PPM1E: variants seen among roughly 807,000 people sequenced by gnomAD.
PPM1E encodes protein phosphatase 1E.
A neutral mutation model predicts 65.9 loss-of-function variants in PPM1E; 20 were observed. The ratio of observed to expected loss-of-function variants is 0.30; its 90% CI spans 0.21 to 0.44. The LOEUF is 0.44. Ranked by LOEUF, PPM1E falls within the 20% of genes least tolerant of loss-of-function variation. The pLI, the probability that PPM1E is intolerant of heterozygous loss-of-function variation, is 1.00. For missense variants in PPM1E, 713 were observed against 953.1 expected (o/e 0.75, Z 3.32); for synonymous variants, 352 against 374.9 (o/e 0.94, Z 0.70).
chr17:58,785,640 A>G (rs2050093017), intron 1 of PPM1E: 2 of 151,468 alleles, frequency 1.3e-5, no homozygotes, highest in African/African-American at 4.9e-5. Flanking sequence ...AAAATATAAT[A>G]AAAACTATGG....
intron 1 of PPM1E, among the ~76,000 whole-genome samples, chr17:58,791,182 G>A (rs1041907936): frequency 6.6e-6 from 1 of 152,084 alleles, no homozygotes; most frequent in Non-Finnish European, 1.5e-5. Context: ...GTGAGCCACC[G>A]TGCCTGGCCT....
chr17:58,774,164 C>CA (rs1477782058), intron 1 of PPM1E, among the ~76,000 whole-genome samples: 58 of 150,834 alleles, frequency 3.8e-4, no homozygotes. Context: ...CTCTGTCCCC[C>CA]CCCCCCAAAA....
chr17:58,854,309 G>A (rs2050858841), intron 1 of PPM1E, among the ~76,000 whole-genome samples: 1 of 152,168 alleles, frequency 6.6e-6, no homozygotes, highest in African/African-American at 2.4e-5. Context: ...GTATGTGTGT[G>A]TTTGTAATCT....
intron 1 of PPM1E, among the ~76,000 whole-genome samples, chr17:58,856,715 G>GAAAAGATTAGGGCACAA (rs2050886360): frequency 6.6e-6 from 1 of 152,180 alleles, no homozygotes; most frequent in South Asian, 2.1e-4. Context: ...ACCATGTGAA[G>GAAAAGATTAGGGCACAA]ACAGAGGGAA....
At chr17:58,937,879 C>CAAAAAAAAAAAA (rs1226139023) in intron 1 of PPM1E, among the ~76,000 whole-genome samples, 3 of 82,924 alleles carry the variant, frequency 3.6e-5, no homozygotes, top group African/African-American at 5.0e-5. Context: ...GACTCCATCT[C>CAAAAAAAAAAAA]AAAAAAAAAA....
At chr17:58,978,081 AATAT>A (rs2031129824) in intron 6 of PPM1E, among the ~76,000 whole-genome samples, 1 of 152,202 alleles carries the variant, frequency 6.6e-6, no homozygotes, top group African/African-American at 2.4e-5. Context: ...AGAAATAATG[AATAT>A]ATAGTCAGAT....
Position 58,840,949 on chromosome 17 carries a change from G to A in PPM1E, c.464+84488G>A, listed in dbSNP as rs567338273. 1.2e-4 allele frequency among the ~76,000 whole-genome samples: 18 copies of A among 152,300 alleles called. No individual in the cohort carries two copies. The South Asian group carries it at 3.1e-3, about 26-fold the overall frequency. Reference sequence around the variant, plus strand: ...CAGAGAAAAAGCTGTCTGCAAAGGGGCAGGGCTGGAGGGAAGTTTTATAGG... The same window carrying A: ...CAGAGAAAAAGCTGTCTGCAAAGGGACAGGGCTGGAGGGAAGTTTTATAGG... On this transcript the variant is annotated intron_variant, in intron 1 of 6. Transcript: ENST00000308249.
intron 6 of PPM1E, among the ~76,000 whole-genome samples, chr17:58,975,138 G>A (rs1055697046): frequency 1.3e-5 from 2 of 152,166 alleles, no homozygotes; most frequent in African/African-American, 4.8e-5. Flanking sequence ...ACTATCTGTG[G>A]AACCAATTTA....
intron 2 of PPM1E, among the ~76,000 whole-genome samples, chr17:58,956,470 A>AC (rs2029878761): frequency 6.6e-6 from 1 of 151,852 alleles, no homozygotes; most frequent in African/African-American, 2.4e-5. Flanking sequence ...AAAAAAAAAA[A>AC]CCTTAACTTT....
chr17:58,928,548 T>C (rs1295326765), intron 1 of PPM1E, among the ~76,000 whole-genome samples: 3 of 151,906 alleles, frequency 2.0e-5, no homozygotes, highest in African/African-American at 7.2e-5. Flanking sequence ...ACATTGTCAA[T>C]GGGCTTGTAA....
At chr17:58,859,876 C>T (rs1222521526) in intron 1 of PPM1E, among the ~76,000 whole-genome samples, 2 of 152,152 alleles carry the variant, frequency 1.3e-5, no homozygotes, top group Admixed American at 6.5e-5. Context: ...TCATATCAGC[C>T]GTTAATTTAG....
At chr17:58,961,797 T>G (rs371718666) in intron 2 of PPM1E, among the ~76,000 whole-genome samples, 1 of 152,196 alleles carries the variant, frequency 6.6e-6, no homozygotes, top group East Asian at 1.9e-4. Flanking sequence ...TTTTAAATTT[T>G]ATTTAATTTT....
chr17:58,874,838 T>G (rs1238325246), intron 1 of PPM1E, among the ~76,000 whole-genome samples: 1 of 152,178 alleles, frequency 6.6e-6, no homozygotes, highest in African/African-American at 2.4e-5. Context: ...ATATTTAAGT[T>G]TCTACAGTTT....
intron 1 of PPM1E, among the ~76,000 whole-genome samples, chr17:58,907,100 G>A (rs1275127118): frequency 6.6e-6 from 1 of 152,102 alleles, no homozygotes; most frequent in Admixed American, 6.5e-5. Flanking sequence ...AAAAAATTTA[G>A]TCGAGCGTGG....
chr17:58,792,898 C>T (rs999238672), intron 1 of PPM1E, among the ~76,000 whole-genome samples: 14 of 151,116 alleles, frequency 9.3e-5, no homozygotes, highest in Admixed American at 1.3e-4. Flanking sequence ...GGATTATAGG[C>T]ACCCGCCACC....
intron 1 of PPM1E, among the ~76,000 whole-genome samples, chr17:58,898,024 G>A (rs908085117): frequency 6.6e-6 from 1 of 152,082 alleles, no homozygotes; most frequent in Admixed American, 6.6e-5. Context: ...ACTTTAGGAG[G>A]CCGAGGCAGG....
chr17:58,810,452 G>A (rs2050355821), intron 1 of PPM1E, among the ~76,000 whole-genome samples: 1 of 151,992 alleles, frequency 6.6e-6, no homozygotes, highest in Non-Finnish European at 1.5e-5. Flanking sequence ...TGATCCACCT[G>A]CCTCAGCCTC....
chr17:58,883,141 T>C (rs1331779308), intron 1 of PPM1E, among the ~76,000 whole-genome samples: 3 of 151,200 alleles, frequency 2.0e-5, no homozygotes, highest in Non-Finnish European at 4.4e-5. Context: ...TGTTTTTAGT[T>C]GAGACGGAGT....
At chr17:58,979,320 A>G (rs113853530) in intron 6 of PPM1E, among the ~76,000 whole-genome samples, 4 of 152,320 alleles carry the variant, frequency 2.6e-5, no homozygotes, top group African/African-American at 9.6e-5. Flanking sequence ...TAGAAAGCCA[A>G]GTGGGTTGGG....
Sources: gnomAD v4.1 joint callset for allele counts (sites outside exome capture counted in the v4.1 genomes callset) on GRCh38, gnomAD v4.1.1 for gene constraint, MANE v1.5 for transcripts, NCBI Gene and HGNC (gene_info 2026-07-23, HGNC 2026-07-21) for gene names.